CCDC180: variants seen among roughly 807,000 people sequenced by gnomAD.
CCDC180 encodes coiled-coil domain-containing protein 180.
Under a neutral mutation model 209.2 loss-of-function variants are expected in CCDC180, and 154 were observed. The observed-to-expected ratio is 0.74, with a 90% CI of 0.65 to 0.84. CCDC180 has a LOEUF of 0.84. CCDC180 is among the 40% of genes least tolerant of loss of function. The pLI, the probability that CCDC180 is intolerant of heterozygous loss-of-function variation, is 0.00. For missense variants in CCDC180, 1,874 were observed against 1,997.3 expected (o/e 0.94, Z 1.18); for synonymous variants, 778 against 749.1 (o/e 1.04, Z -0.63).
Position 97,308,092 on chromosome 9 carries a change from T to G in CCDC180, c.29T>G (p.Val10Gly). ...TCGTCAGTGGGGAAGGTGACCCAGG[T>G]TCCGAATGGGAAAGCCTACCAGCAG... MSSVGKVTQ[V>G]PNGKAYQQIF... is the part of the protein sequence containing the mutation. The change falls in exon 2 of 37, where the codon GTT becomes GGT. Residue 10 changes from valine (V) to glycine (G), a missense_variant. Physicochemically the swap from Val to Gly is moderately radical, Grantham distance 109. Transcript: ENST00000529487. 6.2e-7 allele frequency: 1 copy of G among 1,612,702 alleles called. No homozygotes were observed. Among genetic ancestry groups the G allele is most frequent in the Non-Finnish European group, 8.5e-7 (1 of 1,179,430 alleles).
intron 35 of CCDC180, among the ~76,000 whole-genome samples, chr9:97,374,868 A>G (rs766154721): frequency 6.6e-6 from 1 of 152,244 alleles, no homozygotes; most frequent in Non-Finnish European, 1.5e-5. Flanking sequence ...CCCAGCACAT[A>G]CAAACAGCTC....
intron 19 of CCDC180, chr9:97,345,553 GA>G: frequency 2.5e-6 from 1 of 407,338 alleles, no homozygotes; most frequent in South Asian, 1.8e-5. Flanking sequence ...TTTTCTGGTC[GA>G]TTTTCTGTCT....
chr9:97,358,547 A>G (rs1826656740), intron 25 of CCDC180, among the ~76,000 whole-genome samples: 1 of 152,202 alleles, frequency 6.6e-6, no homozygotes. Flanking sequence ...TCCTCAGAGC[A>G]GGTCTCTGGT....
At chr9:97,316,916 C>T in intron 8 of CCDC180, 149 bp from the exon 9 acceptor site, 1 of 658,240 alleles carries the variant, frequency 1.5e-6, no homozygotes, top group Admixed American at 2.4e-5. Flanking sequence ...ACTGACCCCT[C>T]AGTCCCCTTC....
At position 97,354,721 on chromosome 9, in the gene CCDC180, C is replaced by T. The variant is rs746246915; in HGVS notation, c.3147+8C>T. 2 of 1,614,118 alleles carry T rather than the reference C, an allele frequency of 1.2e-6. No individual in the cohort carries two copies. The highest frequency in any genetic ancestry group is 1.7e-6 in the Non-Finnish European group (2 of 1,180,012). ...AATGAGTACCTGGACCAGGTAGGGCCCCCAGCCAGGCCCCAGGCCAACCGG... is the reference window on the plus strand; with the variant it reads ...AATGAGTACCTGGACCAGGTAGGGCTCCCAGCCAGGCCCCAGGCCAACCGG... On this transcript the variant is annotated splice_region_variant and intron_variant, in intron 23 of 36. Coordinates refer to ENST00000529487, the MANE Select transcript of CCDC180 (RefSeq NM_020893.6).
At chr9:97,345,563 CT>C (rs35152148) in intron 19 of CCDC180, 94,463 of 412,794 alleles carry the variant, frequency 0.23, 12,119 homozygotes, top group East Asian at 0.38. Flanking sequence ...GATTTTCTGT[CT>C]TTTTTTTATT....
At position 97,330,647 on chromosome 9, in the gene CCDC180, AAAG is replaced by A. The variant is rs370022673; in HGVS notation, c.2158_2160del (p.Lys720del). 62 of 1,612,482 alleles carry A rather than the reference AAAG, an allele frequency of 3.8e-5. 2 individuals are homozygous for A. Among genetic ancestry groups the A allele is most frequent in the African/African-American group, 3.2e-4 (24 of 74,534 alleles). On this transcript the variant is annotated inframe_deletion, in exon 18 of 37. Coordinates refer to ENST00000529487, the MANE Select transcript of CCDC180 (RefSeq NM_020893.6). ...AGGAGAATGTGAAGGGTCAAGGAGA[AAAG>A]AAGGAGGAGTCAGAGGAGGAAGATG...
intron 18 of CCDC180, among the ~76,000 whole-genome samples, chr9:97,335,371 C>T (rs1564158870): frequency 6.6e-6 from 1 of 152,000 alleles, no homozygotes; most frequent in Non-Finnish European, 1.5e-5. Context: ...ATGTTCCCCA[C>T]CCTGTATCCA....
intron 18 of CCDC180, among the ~76,000 whole-genome samples, chr9:97,343,002 A>G (rs1241758695): frequency 6.6e-6 from 1 of 152,240 alleles, no homozygotes; most frequent in Admixed American, 6.5e-5. Context: ...ACAGGTATGT[A>G]ATAGAAAAGA....
At chr9:97,349,597 T>C (rs994188338) in intron 21 of CCDC180, among the ~76,000 whole-genome samples, 1 of 152,190 alleles carries the variant, frequency 6.6e-6, no homozygotes, top group African/African-American at 2.4e-5. Flanking sequence ...CAGGGAGGGC[T>C]TCCTGCAGGA....
intron 11 of CCDC180, among the ~76,000 whole-genome samples, 169 bp downstream of exon 11, chr9:97,320,374 C>T (rs959160690): frequency 3.3e-5 from 5 of 152,126 alleles, no homozygotes; most frequent in African/African-American, 1.2e-4. Flanking sequence ...CCTTCTAAGG[C>T]CTCCCCTCCT....
rs1047951817 is a variant in CCDC180 at position 97,313,209 on chromosome 9, C to T, written c.350-27C>T. The T allele has an allele frequency of 3.3e-6, 5 of 1,502,002 alleles. No individual in the cohort carries two copies. The South Asian group carries it at 5.6e-5, about 17-fold the overall frequency. The allele number at this position is 1,502,002 out of a possible 1,614,324, so 93.0% of individuals were successfully genotyped here. Reference sequence around the variant, plus strand: ...TTTTCCTGAGAGCTCTGAAGGCAGCCTCATCACCTCTGTTGTTGCTCCGCA... The same window carrying T: ...TTTTCCTGAGAGCTCTGAAGGCAGCTTCATCACCTCTGTTGTTGCTCCGCA... On this transcript the variant is annotated intron_variant, in intron 4 of 36. Coordinates refer to ENST00000529487, the MANE Select transcript of CCDC180 (RefSeq NM_020893.6).
intron 19 of CCDC180, chr9:97,345,612 A>G: frequency 4.9e-6 from 2 of 411,728 alleles, no homozygotes; most frequent in Admixed American, 3.0e-5. Flanking sequence ...GTAGCCGGGC[A>G]TGGTGGTGTG....
chr9:97,363,866 G>A (rs578237077), intron 28 of CCDC180, 185 bp from the exon 29 acceptor site: 65 of 606,988 alleles, frequency 1.1e-4, no homozygotes, highest in Non-Finnish European at 1.9e-4. Context: ...TTCACCTTAC[G>A]GTAAGGTAGA....
rs1169585146 is a variant in CCDC180, at chr9:97,307,754, C to T, written c.-134C>T. 4 of 1,614,094 alleles carry T rather than the reference C, an allele frequency of 2.5e-6. No homozygotes were observed. The highest frequency in any genetic ancestry group is 2.7e-5 in the African/African-American group (2 of 74,938). ...TTCCCAGAGTCCCTTCGGATTTGCGCCATGCGCGGCGGGGAGAACCGGCCT... is the reference window on the plus strand; with the variant it reads ...TTCCCAGAGTCCCTTCGGATTTGCGTCATGCGCGGCGGGGAGAACCGGCCT... On this transcript the variant is annotated 5_prime_UTR_variant, in exon 1 of 37. Coordinates refer to ENST00000529487, the MANE Select transcript of CCDC180 (RefSeq NM_020893.6).
intron 25 of CCDC180, among the ~76,000 whole-genome samples, chr9:97,358,749 C>G (rs536300324): frequency 6.6e-6 from 1 of 152,288 alleles, no homozygotes; most frequent in Non-Finnish European, 1.5e-5. Flanking sequence ...GGGAACCATT[C>G]CTCAACAGTC....
chr9:97,348,246 TC>T (rs2118807369), intron 20 of CCDC180, among the ~76,000 whole-genome samples: 1 of 152,044 alleles, frequency 6.6e-6, no homozygotes, highest in East Asian at 1.9e-4. Flanking sequence ...CCATGCAAAC[TC>T]CTATTCCTGG....
chr9:97,353,230 C>G (rs1432787507), intron 22 of CCDC180, among the ~76,000 whole-genome samples: 1 of 152,142 alleles, frequency 6.6e-6, no homozygotes, highest in African/African-American at 2.4e-5. Flanking sequence ...CTCCTGACCT[C>G]AAGTGATCCA....
chr9:97,320,132 C>G lies in CCDC180; in HGVS notation c.1086C>G (p.Leu362=). The stretch of plus-strand genomic sequence containing the variant: ...GCTGTATCTTCCTTCCCAGTGACCT[C>G]CTGCCCCCCAGTTACAGCAAAACTC... ...RLKHLCTICD[L]LPPSYSKTQL... is the part of the protein sequence containing the mutation. Residue 362 remains leucine, a synonymous_variant, in exon 11 of 37, where the codon CTC becomes CTG. Coordinates refer to ENST00000529487, the MANE Select transcript of CCDC180 (RefSeq NM_020893.6). 1 of 1,614,120 alleles carries G rather than the reference C, an allele frequency of 6.2e-7. No homozygotes were observed. Among genetic ancestry groups the G allele is most frequent in the Non-Finnish European group, 8.5e-7 (1 of 1,179,982 alleles).
Sources: allele counts gnomAD v4.1 joint callset (sites outside exome capture counted in the v4.1 genomes callset), GRCh38; gene constraint gnomAD v4.1.1; transcripts MANE v1.5; gene names NCBI Gene and HGNC (gene_info 2026-07-23, HGNC 2026-07-21).